Variants in SLC26A5 observed in about 807,000 individuals in gnomAD.
The protein encoded by SLC26A5 is prestin.
Under a neutral mutation model 81.0 loss-of-function variants are expected in SLC26A5, and 51 were observed. That is an observed-to-expected ratio of 0.63 (90% CI 0.50 to 0.80). SLC26A5 has a LOEUF of 0.80. SLC26A5 is among the 30% of genes least tolerant of loss of function. SLC26A5 has a pLI of 0.00. For synonymous variants in SLC26A5, 325 were observed against 332.8 expected, an observed-to-expected ratio of 0.98 and a Z score of 0.25; for missense variants, 771 against 905.8, an observed-to-expected ratio of 0.85 and a Z score of 1.91.
rs141436712 is a variant in SLC26A5 at position 103,421,437 on chromosome 7, C to T, written c.78G>A (p.Pro26=). Residue 26 remains proline, a synonymous_variant, in exon 3 of 20, where the codon CCG becomes CCA. Transcript: ENST00000306312. ...TTGTGTGTAGTCTTTCCTGGAGGAC[C>T]GGATGACTAAAGATAGGCCTTTCCA... ...YYVERPIFSH[P]VLQERLHTKD... 2.2e-4 allele frequency: 356 copies of T among 1,613,856 alleles called. 2 individuals carry two copies. The African/African-American group carries it at 3.7e-3, about 17-fold the overall frequency.
chr7:103,409,768 TG>T, intron 7 of SLC26A5, among the ~76,000 whole-genome samples: 1 of 151,978 alleles, frequency 6.6e-6, no homozygotes, highest in Non-Finnish European at 1.5e-5. Flanking sequence ...AGTGCAGTGA[TG>T]GGATCTCGGG....
intron 4 of SLC26A5, among the ~76,000 whole-genome samples, chr7:103,414,474 GCCAGTTTGGC>G (rs1824758043): frequency 6.6e-6 from 1 of 152,138 alleles, no homozygotes; most frequent in Non-Finnish European, 1.5e-5. Context: ...ACTGTGCCTG[GCCAGTTTGGC>G]CTTTTTTAGA....
chr7:103,362,665 C>T (rs1415499842), intron 19 of SLC26A5: 4 of 1,575,636 alleles, frequency 2.5e-6, no homozygotes. Flanking sequence ...GTATTAATGA[C>T]TATCTTTTTT....
rs1275383008 is a variant in SLC26A5 at position 103,366,250 on chromosome 7, A to G, written c.2041+10558T>C. ...ATGTCGTGATATGTTAATCTTGTACAGAATTTTAACTCCAACTCTTCTATG... is the reference window on the plus strand; with the variant it reads ...ATGTCGTGATATGTTAATCTTGTACGGAATTTTAACTCCAACTCTTCTATG... On this transcript the variant is annotated intron_variant, in intron 19 of 19. Coordinates refer to the SLC26A5 transcript ENST00000339444. 5 of 1,226,024 alleles carry G rather than the reference A, an allele frequency of 4.1e-6. No homozygotes were observed. The East Asian group carries it at 7.0e-5, about 17-fold the overall frequency. 75.9% of individuals were successfully genotyped at this position (1,226,024 alleles called of 1,614,324 possible).
At chr7:103,388,192 A>G (rs950703922) in intron 14 of SLC26A5, among the ~76,000 whole-genome samples, 1 of 134,650 alleles carries the variant, frequency 7.4e-6, no homozygotes, top group East Asian at 2.2e-4. Context: ...CAGCCCATAA[A>G]GTTTTTTTTT....
intron 19 of SLC26A5, 80 bp from the exon 20 acceptor site, chr7:103,374,672 T>C (rs1055124868): frequency 4.6e-5 from 56 of 1,226,510 alleles, no homozygotes; most frequent in Non-Finnish European, 3.9e-5. Context: ...CACTTCCATA[T>C]AGTGTTTTTT....
chr7:103,409,874 A>T (rs1032392157), intron 7 of SLC26A5, among the ~76,000 whole-genome samples: 6 of 151,682 alleles, frequency 4.0e-5, no homozygotes, highest in African/African-American at 1.5e-4. Context: ...CACCTGGCTA[A>T]TTTTTTTCTA....
intron 2 of SLC26A5, among the ~76,000 whole-genome samples, chr7:103,434,805 C>G (rs1826335411): frequency 6.6e-6 from 1 of 152,094 alleles, no homozygotes; most frequent in Admixed American, 6.6e-5. Flanking sequence ...GAGTGCGCCA[C>G]CACGCCCAGC....
chr7:103,407,340 T>A (rs1824138162), intron 8 of SLC26A5, among the ~76,000 whole-genome samples: 1 of 152,230 alleles, frequency 6.6e-6, no homozygotes, highest in South Asian at 2.1e-4. Context: ...AAAATATTTT[T>A]ATTCCAATTT....
chr7:103,377,879 T>C, intron 17 of SLC26A5, 80 bp from the exon 18 acceptor site: 1 of 1,378,770 alleles, frequency 7.3e-7, no homozygotes. Flanking sequence ...TAATGGAAAA[T>C]CTGCTCTTGT....
rs1194757083 is a variant in SLC26A5 at position 103,376,747 on chromosome 7, T to TTTAAATAAGAGA, written c.2041+49_2041+60dup. On this transcript the variant is annotated intron_variant, in intron 19 of 19. Coordinates refer to ENST00000306312, the MANE Select transcript of SLC26A5 (RefSeq NM_198999.3). Reference sequence around the variant, plus strand: ...TTAAGGACATTTCCAAGTGCAATTATTTAAATAAGAGAAACAAAACTAAAA... The same window carrying TTTAAATAAGAGA: ...TTAAGGACATTTCCAAGTGCAATTATTTAAATAAGAGATTAAATAAGAGAAACAAAACTAAAA... 17 of 1,138,080 alleles carry TTTAAATAAGAGA rather than the reference T, an allele frequency of 1.5e-5. No homozygotes were observed. The African/African-American group carries it at 2.6e-4, about 17-fold the overall frequency. 70.5% of individuals were successfully genotyped at this position (1,138,080 alleles called of 1,614,324 possible). A position where few individuals can be genotyped will look rare whatever the true frequency, so the allele number is the denominator to read the frequency against.
intron 19 of SLC26A5, among the ~76,000 whole-genome samples, chr7:103,376,083 T>C (rs1338420889): frequency 6.8e-6 from 1 of 147,092 alleles, no homozygotes; most frequent in East Asian, 2.0e-4. Context: ...ATTTTCTTTC[T>C]TTTTTTTTTG....
At position 103,367,865 on chromosome 7, in the gene SLC26A5, T is replaced by G; in HGVS notation, c.2041+8943A>C. 6.2e-7 allele frequency: 1 copy of G among 1,612,252 alleles called. No individual in the cohort carries two copies. Among genetic ancestry groups the G allele is most frequent in the South Asian group, 1.1e-5 (1 of 90,916 alleles). On this transcript the variant is annotated intron_variant, in intron 19 of 19. Transcript: ENST00000339444. The surrounding 1 kb of genome is among the most constrained non-coding windows in gnomAD (Gnocchi z 6.1). Reference sequence around the variant, plus strand: ...GGTCTGTCTGCTCAGGCTGCTTTAATTAAGCCCGTTTATTTTCTTTTTGTT... The same window carrying G: ...GGTCTGTCTGCTCAGGCTGCTTTAAGTAAGCCCGTTTATTTTCTTTTTGTT...
chr7:103,359,138 C>CTTTTTTTTTTTTTTTTTTT (rs35936603), intron 19 of SLC26A5, among the ~76,000 whole-genome samples: 1 of 31,332 alleles, frequency 3.2e-5, no homozygotes, highest in Non-Finnish European at 5.7e-5. Context: ...CCATGTCTGG[C>CTTTTTTTTTTTTTTTTTTT]TTTTTTTTTT....
rs143544286 is a variant in SLC26A5 at position 103,442,163 on chromosome 7, C to A, written c.-54+920G>T. On this transcript the variant is annotated intron_variant, in intron 2 of 19. Coordinates refer to ENST00000306312, the MANE Select transcript of SLC26A5 (RefSeq NM_198999.3). ...CTTTTTTTTTTAATTTTCTTTGAGA[C>A]TGAGTCTCGCTCTTGTTGCCCAGGC... Among the ~76,000 whole-genome samples the A allele has an allele frequency of 4.0e-4, 61 of 151,764 alleles. No homozygotes were observed. The East Asian group carries it at 0.012, about 29-fold the overall frequency.
rs757400689 is a variant in SLC26A5, at chr7:103,413,054, AAATG to A, written c.347_350del (p.Ser116PhefsTer18). ...GAAAACAATACATGATAACAGGGTA[AAATG>A]AAGAGTACAGGCCAAATATTGGAGG... On this transcript the variant is annotated frameshift_variant, in exon 5 of 20. Coordinates refer to ENST00000306312, the MANE Select transcript of SLC26A5 (RefSeq NM_198999.3). LOFTEE classifies it high-confidence loss of function. 1 of 1,614,100 alleles carries A rather than the reference AAATG, an allele frequency of 6.2e-7. No individual in the cohort carries two copies. The highest frequency in any genetic ancestry group is 8.5e-7 in the Non-Finnish European group (1 of 1,179,964).
chr7:103,431,264 T>C (rs1254185192), intron 2 of SLC26A5, among the ~76,000 whole-genome samples: 1 of 152,192 alleles, frequency 6.6e-6, no homozygotes, highest in Admixed American at 6.5e-5. Flanking sequence ...AGCAATACTT[T>C]TCCATCCCAT....
chr7:103,442,327 AG>A (rs1826942966), intron 2 of SLC26A5, among the ~76,000 whole-genome samples: 1 of 152,014 alleles, frequency 6.6e-6, no homozygotes, highest in South Asian at 2.1e-4. Flanking sequence ...TAGTAGAGAC[AG>A]GGTTTTGCTA....
rs749012270 is a variant in SLC26A5 at position 103,410,384 on chromosome 7, C to T, written c.735+1G>A. ...AGAACGTCAGGTAGTTTCTTACTTA[C>T]ATACACCACGGAAAAGATTCCACTG... On this transcript the variant is annotated splice_donor_variant, in intron 7 of 19. Coordinates refer to ENST00000306312, the MANE Select transcript of SLC26A5 (RefSeq NM_198999.3). LOFTEE classifies it high-confidence loss of function. 5 of 1,613,418 alleles carry T rather than the reference C, an allele frequency of 3.1e-6. No individual in the cohort carries two copies. Among genetic ancestry groups the T allele is most frequent in the South Asian group, 1.1e-5 (1 of 91,062 alleles).
Sources: gnomAD v4.1 joint callset for allele counts (sites outside exome capture counted in the v4.1 genomes callset) on GRCh38, gnomAD v4.1.1 for gene constraint, Gnocchi (gnomAD v3.1) non-coding constraint, MANE v1.5 for transcripts, NCBI Gene and HGNC (gene_info 2026-07-23, HGNC 2026-07-21) for gene names.